Variants in CDH12 observed in about 807,000 individuals in gnomAD.
CDH12 encodes the protein cadherin 12, also known as cadherin-12.
CDH12 carries 41 observed loss-of-function variants against 74.1 expected under a neutral mutation model. That is an observed-to-expected ratio of 0.55 (90% CI 0.43 to 0.72). CDH12 has a LOEUF of 0.72. CDH12 is among the 30% of genes least tolerant of loss of function. CDH12 has a pLI of 0.00. For synonymous variants in CDH12, 399 were observed against 355.0 expected, an observed-to-expected ratio of 1.12 and a Z score of -1.39; for missense variants, 945 against 977.2, an observed-to-expected ratio of 0.97 and a Z score of 0.44.
chr5:22,637,389 T>A (rs186339453), intron 1 of CDH12, among the ~76,000 whole-genome samples: 1 of 152,332 alleles, frequency 6.6e-6, no homozygotes, highest in East Asian at 1.9e-4. Flanking sequence ...TTTCAGCAGC[T>A]ACAAGGTAAC....
intron 1 of CDH12, among the ~76,000 whole-genome samples, chr5:22,645,387 A>AT (rs1739384845): frequency 6.6e-6 from 1 of 152,112 alleles, no homozygotes; most frequent in African/African-American, 2.4e-5. Context: ...GAAAACTGTA[A>AT]TTAGAAGTGA....
At chr5:22,065,264 G>T (rs1741476548) in intron 5 of CDH12, among the ~76,000 whole-genome samples, 1 of 152,100 alleles carries the variant, frequency 6.6e-6, no homozygotes, top group African/African-American at 2.4e-5. Context: ...AATACCAAAA[G>T]AACTACTTGA....
At chr5:22,368,179 TC>T (rs1741113677) in intron 3 of CDH12, among the ~76,000 whole-genome samples, 2 of 152,240 alleles carry the variant, frequency 1.3e-5, no homozygotes, top group South Asian at 4.1e-4. Context: ...AGCCGAAACT[TC>T]ATATATTTAA....
Position 21,751,911 on chromosome 5 carries a change from G to C in CDH12, c.2211C>G (p.Ala737=), listed in dbSNP as rs1343867059. ...DPTAPPYDSL[A]TYAYEGSGSV... is the part of the protein sequence containing the mutation. ...ACCCACTCCCTTCGTAGGCATATGT[G>C]GCCAGTGAATCGTATGGTGGGGCAG... Residue 737 remains alanine (A), a synonymous_variant, in exon 15 of 15, where the codon GCC becomes GCG. Transcript: ENST00000382254. 1.9e-6 allele frequency: 3 copies of C among 1,613,920 alleles called. No homozygotes were observed. Among genetic ancestry groups the C allele is most frequent in the Non-Finnish European group, 2.5e-6 (3 of 1,180,000 alleles).
At chr5:22,634,639 C>T (rs573366961) in intron 1 of CDH12, among the ~76,000 whole-genome samples, 90 of 152,100 alleles carry the variant, frequency 5.9e-4, no homozygotes, top group African/African-American at 2.0e-3. Flanking sequence ...TCAAGATCAC[C>T]GCTGAATACT....
chr5:21,945,864 A>T (rs1414783518), intron 6 of CDH12, among the ~76,000 whole-genome samples: 2 of 152,124 alleles, frequency 1.3e-5, no homozygotes, highest in Admixed American at 6.5e-5. Flanking sequence ...GGACTAAAAA[A>T]CTATTAAAAA....
At chr5:22,364,374 T>C (rs185895556) in intron 3 of CDH12, among the ~76,000 whole-genome samples, 2 of 152,252 alleles carry the variant, frequency 1.3e-5, no homozygotes, top group Admixed American at 6.5e-5. Flanking sequence ...AGGTGAATCA[T>C]ATATAATATA....
intron 1 of CDH12, among the ~76,000 whole-genome samples, chr5:22,559,237 G>A (rs577477359): frequency 4.6e-5 from 7 of 151,906 alleles, no homozygotes; most frequent in Admixed American, 1.3e-4. Context: ...TGGTTGTACA[G>A]GAATCTCAAT....
intron 4 of CDH12, among the ~76,000 whole-genome samples, chr5:22,180,689 C>T (rs779470697): frequency 1.1e-4 from 16 of 151,524 alleles, no homozygotes; most frequent in Non-Finnish European, 1.9e-4. Context: ...ACTTTAGAGA[C>T]GGGGTTTTGC....
chr5:22,342,561 T>C (rs1010012967), intron 3 of CDH12, among the ~76,000 whole-genome samples: 4 of 105,574 alleles, frequency 3.8e-5, no homozygotes, highest in Admixed American at 2.1e-4. Flanking sequence ...CCTCCCTTCC[T>C]TCCTCCCTCC....
chr5:22,177,422 AG>A (rs1266841140), intron 4 of CDH12, among the ~76,000 whole-genome samples: 3 of 152,294 alleles, frequency 2.0e-5, no homozygotes, highest in Admixed American at 2.0e-4. Flanking sequence ...TCACAGGGGA[AG>A]GAATAATGAA....
At chr5:22,094,972 C>T (rs769578926) in intron 4 of CDH12, among the ~76,000 whole-genome samples, 8 of 152,168 alleles carry the variant, frequency 5.3e-5, no homozygotes, top group Non-Finnish European at 8.8e-5. Context: ...ACCCTCTTTT[C>T]GGACTCAGCC....
chr5:22,848,050 T>C (rs1737386871), intron 1 of CDH12, among the ~76,000 whole-genome samples: 1 of 151,982 alleles, frequency 6.6e-6, no homozygotes, highest in Non-Finnish European at 1.5e-5. Flanking sequence ...TGCCTGGTGA[T>C]CAGTCTCTTT....
intron 3 of CDH12, among the ~76,000 whole-genome samples, chr5:22,369,248 T>C (rs1318958499): frequency 6.6e-6 from 1 of 152,212 alleles, no homozygotes; most frequent in African/African-American, 2.4e-5. Context: ...TTTTGCTTCA[T>C]ACGCTAAAAG....
intron 1 of CDH12, among the ~76,000 whole-genome samples, chr5:22,779,351 T>G (rs986136864): frequency 5.3e-5 from 8 of 152,308 alleles, no homozygotes; most frequent in Admixed American, 3.3e-4. Context: ...TTATGTTTGA[T>G]GAGGACTTAA....
chr5:22,313,324 A>G (rs1293166120), intron 3 of CDH12, among the ~76,000 whole-genome samples: 1 of 152,210 alleles, frequency 6.6e-6, no homozygotes, highest in Non-Finnish European at 1.5e-5. Flanking sequence ...ACTAAAGTCA[A>G]ATGAGGAAAA....
At chr5:22,220,143 A>G (rs1751961477) in intron 3 of CDH12, among the ~76,000 whole-genome samples, 1 of 151,792 alleles carries the variant, frequency 6.6e-6, no homozygotes, top group African/African-American at 2.4e-5. Flanking sequence ...CAAAGTGCTG[A>G]TGGACATATA....
At chr5:22,500,972 T>A (rs1413906795) in intron 2 of CDH12, among the ~76,000 whole-genome samples, 1 of 152,064 alleles carries the variant, frequency 6.6e-6, no homozygotes, top group Non-Finnish European at 1.5e-5. Context: ...CTTGCTTCTG[T>A]ACTAAGGGCA....
chr5:21,975,755 C>T (rs1282651024), intron 5 of CDH12, among the ~76,000 whole-genome samples: 1 of 152,002 alleles, frequency 6.6e-6, no homozygotes, highest in African/African-American at 2.4e-5. Context: ...AAAGTACAAC[C>T]TCAGATATAG....
Sources: gnomAD v4.1 joint callset for allele counts (sites outside exome capture counted in the v4.1 genomes callset) on GRCh38, gnomAD v4.1.1 for gene constraint, MANE v1.5 for transcripts, NCBI Gene and HGNC (gene_info 2026-07-23, HGNC 2026-07-21) for gene names.